The following HVCN1 variants were observed in gnomAD, a reference collection of about 807,000 sequenced individuals.
HVCN1 encodes hydrogen voltage gated channel 1.
HVCN1 carries 14 observed loss-of-function variants against 29.2 expected under a neutral mutation model. The ratio of observed to expected loss-of-function variants is 0.48; its 90% CI spans 0.32 to 0.75. The LOEUF (loss-of-function observed/expected upper bound fraction) is 0.75. HVCN1 is among the 30% of genes least tolerant of loss of function. The probability of loss-of-function intolerance (pLI) is 0.04; values close to 1 mark genes in which losing one functional copy is unlikely to be tolerated. For synonymous variants in HVCN1, 131 were observed against 133.2 expected (o/e 0.98, Z 0.11); for missense variants, 263 against 341.8 (o/e 0.77, Z 1.82).
intron 1 of HVCN1, among the ~76,000 whole-genome samples, chr12:110,702,603 C>G (rs2069574243): frequency 6.6e-6 from 1 of 151,992 alleles, no homozygotes; most frequent in Non-Finnish European, 1.5e-5. Flanking sequence ...CTGCCTCAGC[C>G]TCCCAAGTAG....
At chr12:110,678,439 CTTTTTT>C (rs538999674) in intron 3 of HVCN1, among the ~76,000 whole-genome samples, 4 of 65,808 alleles carry the variant, frequency 6.1e-5, no homozygotes, top group Non-Finnish European at 8.7e-5. Flanking sequence ...CATTCTATTT[CTTTTTT>C]TTTTTTTTTT....
intron 3 of HVCN1, among the ~76,000 whole-genome samples, chr12:110,681,017 C>T (rs2068948929): frequency 6.6e-6 from 1 of 152,170 alleles, no homozygotes; most frequent in South Asian, 2.1e-4. Flanking sequence ...GTTCAGAGGC[C>T]AGGAAACTTA....
At chr12:110,655,705 GTTTT>G (rs150136698) in intron 4 of HVCN1, among the ~76,000 whole-genome samples, 1 of 136,374 alleles carries the variant, frequency 7.3e-6, no homozygotes, top group Non-Finnish European at 1.6e-5. Flanking sequence ...CAAATAATCA[GTTTT>G]TTTTTTTTTT....
rs534874527 is a variant in HVCN1 at position 110,701,892 on chromosome 12, C to G, written c.-104+417G>C. Among the ~76,000 whole-genome samples, 10 of 150,684 alleles carry G rather than the reference C, an allele frequency of 6.6e-5. No homozygotes were observed. In the East Asian group the frequency reaches 1.8e-3, roughly 26 times the overall value. ...CAAAACAACAAGAACAAAACAACAACAACAACAACAACAACAACAACAACA... is the reference window on the plus strand; with the variant it reads ...CAAAACAACAAGAACAAAACAACAAGAACAACAACAACAACAACAACAACA... On this transcript the variant is annotated intron_variant, in intron 2 of 4. Transcript: ENST00000546713.
At position 110,676,475 on chromosome 12, in the gene HVCN1, C is replaced by A. The variant is rs1363876305; in HGVS notation, c.21+6750G>T. Among the ~76,000 whole-genome samples the A allele has an allele frequency of 2.0e-5, 3 of 152,196 alleles. No homozygotes were observed. Among genetic ancestry groups the A allele is most frequent in the African/African-American group, 7.2e-5 (3 of 41,448 alleles). On this transcript the variant is annotated intron_variant, in intron 3 of 7. Transcript: ENST00000242607. The surrounding 1 kb of genome is among the most constrained non-coding windows in gnomAD (Gnocchi z 4.1). ...TCCCGCCATTCCCTGATAAGAGCAG[C>A]TCATTGTGCCTAGACTGCTTGTGGA...
intron 1 of HVCN1, among the ~76,000 whole-genome samples, chr12:110,703,207 CAA>C (rs758737358): frequency 0.017 from 1,681 of 98,730 alleles, 15 homozygotes; most frequent in African/African-American, 0.033. Flanking sequence ...ATGTCTCTAC[CAA>C]AAAAAAAAAA....
At chr12:110,669,280 C>T (rs924389655) in intron 3 of HVCN1, among the ~76,000 whole-genome samples, 1 of 152,070 alleles carries the variant, frequency 6.6e-6, no homozygotes. Flanking sequence ...GGCACTCCAT[C>T]GTCCCCTCTC....
At chr12:110,691,450 A>G (rs919462745), upstream of HVCN1, among the ~76,000 whole-genome samples, 1 of 152,174 alleles carries the variant, frequency 6.6e-6, no homozygotes, top group South Asian at 2.1e-4. Flanking sequence ...TTTCTAAGGC[A>G]TAGTCTGGTC....
intron 1 of HVCN1, among the ~76,000 whole-genome samples, chr12:110,703,497 A>T (rs1303543291): frequency 2.0e-5 from 3 of 152,206 alleles, no homozygotes; most frequent in African/African-American, 7.2e-5. Flanking sequence ...ACTTCAAAAT[A>T]ACCATATTGG....
At chr12:110,678,444 T>C (rs910907352) in intron 3 of HVCN1, among the ~76,000 whole-genome samples, 2 of 103,310 alleles carry the variant, frequency 1.9e-5, no homozygotes, top group African/African-American at 4.3e-5. Context: ...TATTTCTTTT[T>C]TTTTTTTTTT....
chr12:110,700,304 G>A (rs948166571), intron 2 of HVCN1, among the ~76,000 whole-genome samples: 23 of 152,316 alleles, frequency 1.5e-4, no homozygotes, highest in African/African-American at 5.3e-4. Context: ...CAGCCATGAA[G>A]CGGCAGGGTA....
chr12:110,649,209 G>C lies in HVCN1; in HGVS notation c.*201C>G, dbSNP rs2067661878. On this transcript the variant is annotated 3_prime_UTR_variant, in exon 8 of 8. Transcript: ENST00000242607. ...AAATGTGATACATTTGATACAGTGT[G>C]GGGTGGGAGTGGATGGGCAGCTCTT... 2.9e-6 allele frequency: 2 copies of C among 679,392 alleles called. No individual in the cohort carries two copies. Among genetic ancestry groups the C allele is most frequent in the Admixed American group, 4.5e-5 (2 of 44,384 alleles). 42.1% of individuals were successfully genotyped at this position (679,392 alleles called of 1,614,324 possible).
chr12:110,650,358 T>C (rs1046147264), intron 6 of HVCN1, 78 bp from the exon 7 acceptor site: 43 of 846,126 alleles, frequency 5.1e-5, no homozygotes, highest in African/African-American at 8.5e-5. Context: ...TTCTTACACC[T>C]GTATAGAGTT....
upstream of HVCN1, among the ~76,000 whole-genome samples, chr12:110,694,624 G>A (rs2069461880): frequency 1.3e-5 from 2 of 152,238 alleles, no homozygotes; most frequent in African/African-American, 2.4e-5. This position sits in a 1 kb window ranked among gnomAD's most constrained non-coding sequence, Gnocchi z 4.6. Context: ...AAAAGTAGAT[G>A]AGTTCTCAGC....
chr12:110,702,596 C>T (rs145480052), intron 1 of HVCN1, among the ~76,000 whole-genome samples: 17,083 of 151,928 alleles, frequency 0.11, 1,100 homozygotes, highest in African/African-American at 0.17. Context: ...AATTCTCCTG[C>T]CTCAGCCTCC....
At chr12:110,683,039 A>G in intron 3 of HVCN1, 186 bp downstream of exon 3, 3 of 726,132 alleles carry the variant, frequency 4.1e-6, no homozygotes, top group Non-Finnish European at 7.2e-6. Context: ...CTGATGTGGA[A>G]TATCAGGCTA....
Position 110,651,440 on chromosome 12 carries a change from G to A in HVCN1, c.420C>T (p.His140=). 6.2e-7 allele frequency: 1 copy of A among 1,609,100 alleles called. No individual in the cohort carries two copies. The highest frequency in any genetic ancestry group is 8.5e-7 in the Non-Finnish European group (1 of 1,175,434). ...DKNNYAAMVF[H]YMSITILVFF... The stretch of plus-strand genomic sequence containing the variant: ...AGACCAAGATGGTGATGCTCATGTA[G>A]TGGAATACCTGAAGGGGACAAGGAA... Residue 140 remains histidine (H), a synonymous_variant, in exon 6 of 8, where the codon CAC becomes CAT. Coordinates refer to ENST00000242607, the MANE Select transcript of HVCN1 (RefSeq NM_032369.4).
At chr12:110,655,408 A>T in intron 4 of HVCN1, 70 bp from the exon 5 acceptor site, 1 of 1,243,534 alleles carries the variant, frequency 8.0e-7, no homozygotes, top group African/African-American at 1.5e-5. Context: ...CATCATTAAG[A>T]GCTGGCTTGG....
At position 110,650,259 on chromosome 12, in the gene HVCN1, G is replaced by A. The variant is rs1566023850; in HGVS notation, c.665C>T (p.Thr222Ile). ...CCTTAAGAGTTGCCGTTCTGAACGT[G>A]TCTTAACTGAGATGATAATCCCTGA... is the stretch of plus-strand genomic sequence containing the variant. ...IINGIIISVKTRSERQLLRLK... is the reference protein window; with the variant it reads ...IINGIIISVKIRSERQLLRLK... The change falls in exon 7 of 8, where the codon ACA becomes ATA. Residue 222 changes from threonine (T) to isoleucine (I), a missense_variant. Physicochemically the swap from Thr to Ile is moderately conservative, Grantham distance 89 (BLOSUM62 -1). This residue lies in a region of HVCN1 where 55 missense variants were observed against 109.4 expected (regional missense o/e 0.50). Coordinates refer to ENST00000242607, the MANE Select transcript of HVCN1 (RefSeq NM_032369.4). 1 of 1,611,300 alleles carries A rather than the reference G, an allele frequency of 6.2e-7. No homozygotes were observed.
Sources: allele counts gnomAD v4.1 joint callset (sites outside exome capture counted in the v4.1 genomes callset), GRCh38; gene constraint gnomAD v4.1.1; regional missense constraint gnomAD v4.1.1; non-coding constraint Gnocchi (gnomAD v3.1); transcripts MANE v1.5; gene names NCBI Gene and HGNC (gene_info 2026-07-23, HGNC 2026-07-21).